Variants in METTL21A observed in about 807,000 individuals in gnomAD.
The protein encoded by METTL21A is methyltransferase 21A, HSPA lysine, also known as protein N-lysine methyltransferase METTL21A.
In METTL21A, 22 loss-of-function variants were observed where a neutral mutation model predicts 20.9. The observed-to-expected ratio is 1.05, with a 90% CI of 0.75 to 1.50. The LOEUF is 1.50. Ranked by LOEUF, METTL21A falls within the 40% of genes most tolerant of loss-of-function variation. The probability of loss-of-function intolerance (pLI) is 0.00; values close to 1 mark genes in which losing one functional copy is unlikely to be tolerated. For missense variants in METTL21A, 271 were observed against 266.8 expected, an observed-to-expected ratio of 1.02 and a Z score of -0.11; for synonymous variants, 93 against 102.0, an observed-to-expected ratio of 0.91 and a Z score of 0.53.
intron 3 of METTL21A, among the ~76,000 whole-genome samples, chr2:207,586,609 G>C (rs1313643822): frequency 6.6e-6 from 1 of 152,162 alleles, no homozygotes; most frequent in Non-Finnish European, 1.5e-5. Flanking sequence ...AGGAAACAGA[G>C]TGAAGAGACA....
At chr2:207,595,177 A>G (rs1255436908) in intron 3 of METTL21A, among the ~76,000 whole-genome samples, 2 of 150,764 alleles carry the variant, frequency 1.3e-5, no homozygotes, top group Non-Finnish European at 1.5e-5. Flanking sequence ...TGTATTTTTA[A>G]TAGAGATGGA....
At chr2:207,588,979 C>T (rs1489540068) in intron 3 of METTL21A, among the ~76,000 whole-genome samples, 2 of 151,738 alleles carry the variant, frequency 1.3e-5, no homozygotes, top group East Asian at 3.9e-4. Context: ...AATCTGCATG[C>T]CTTTTAATTT....
intron 3 of METTL21A, chr2:207,600,238 CATATATATAT>C (rs71036937): frequency 3.4e-5 from 5 of 145,690 alleles, no homozygotes; most frequent in East Asian, 1.6e-4. Flanking sequence ...TATATGTGTA[CATATATATAT>C]ATATATATAT....
chr2:207,588,537 G>A (rs184368554), intron 3 of METTL21A, among the ~76,000 whole-genome samples: 116 of 152,140 alleles, frequency 7.6e-4, no homozygotes, highest in African/African-American at 2.2e-3. Context: ...TTTATAATCC[G>A]CTTGTTGATG....
At chr2:207,619,531 C>A (rs1312866304) in intron 3 of METTL21A, among the ~76,000 whole-genome samples, 2 of 152,008 alleles carry the variant, frequency 1.3e-5, no homozygotes, top group East Asian at 3.8e-4. Flanking sequence ...CATACAGTAG[C>A]AGAGAAATGC....
intron 3 of METTL21A, among the ~76,000 whole-genome samples, chr2:207,587,064 G>C (rs973715110): frequency 2.6e-5 from 4 of 152,170 alleles, no homozygotes; most frequent in Admixed American, 6.5e-5. Context: ...GTACATTAAT[G>C]CAGCCATTAC....
At chr2:207,581,780 GT>G (rs1372690134) in exon 4 of METTL21A, 3 of 684,536 alleles carry the variant, frequency 4.4e-6, no homozygotes, top group Non-Finnish European at 7.9e-6. Context: ...TATTTCCCCA[GT>G]TTTTTTACTT....
At chr2:207,621,595 G>GAGAGAGAGAGACAGAAATT (rs1491276269) in intron 3 of METTL21A, among the ~76,000 whole-genome samples, 2 of 152,252 alleles carry the variant, frequency 1.3e-5, no homozygotes, top group South Asian at 2.1e-4. Context: ...GTGTGTGTGT[G>GAGAGAGAGAGACAGAAATT]AGAGAGAGAG....
At chr2:207,615,659 G>GCACTC (rs1242772795) in intron 3 of METTL21A, 3 of 146,286 alleles carry the variant, frequency 2.1e-5, no homozygotes, top group Non-Finnish European at 3.0e-5. Context: ...TCATACCACT[G>GCACTC]CACTCCAGCC....
chr2:207,583,122 T>TTG (rs1315881805), intron 3 of METTL21A, among the ~76,000 whole-genome samples: 1 of 152,064 alleles, frequency 6.6e-6, no homozygotes, highest in Non-Finnish European at 1.5e-5. Flanking sequence ...GTATTAAATA[T>TTG]TATAAGTAAT....
intron 3 of METTL21A, among the ~76,000 whole-genome samples, chr2:207,590,004 T>A (rs1329415167): frequency 1.3e-5 from 2 of 152,034 alleles, no homozygotes; most frequent in East Asian, 3.8e-4. Context: ...GATTATAATA[T>A]TTGTATTATT....
At chr2:207,591,040 T>C (rs767771350) in intron 3 of METTL21A, among the ~76,000 whole-genome samples, 3 of 152,198 alleles carry the variant, frequency 2.0e-5, no homozygotes, top group Non-Finnish European at 2.9e-5. Flanking sequence ...CCCAGGTGTT[T>C]TATGGCCCAA....
intron 3 of METTL21A, among the ~76,000 whole-genome samples, chr2:207,617,676 G>A (rs2107164383): frequency 6.6e-6 from 1 of 152,370 alleles, no homozygotes; most frequent in Non-Finnish European, 1.5e-5. Flanking sequence ...TTGCATTTCA[G>A]ATGGGCCACT....
At chr2:207,587,758 T>A (rs1243610065) in intron 3 of METTL21A, among the ~76,000 whole-genome samples, 1 of 152,010 alleles carries the variant, frequency 6.6e-6, no homozygotes, top group Non-Finnish European at 1.5e-5. Flanking sequence ...CTTATGGAAG[T>A]AGAGAGTAAA....
At chr2:207,595,711 T>G (rs535737740) in intron 3 of METTL21A, among the ~76,000 whole-genome samples, 23 of 152,186 alleles carry the variant, frequency 1.5e-4, no homozygotes, top group Non-Finnish European at 3.2e-4. Context: ...ACTACAGGCA[T>G]GTGCCACCAC....
intron 3 of METTL21A, among the ~76,000 whole-genome samples, chr2:207,592,928 T>C (rs2085359938): frequency 6.1e-5 from 1 of 16,476 alleles, no homozygotes; most frequent in Non-Finnish European, 1.2e-4. Flanking sequence ...GAAAAGAAAA[T>C]TCTCAGATAT....
At chr2:207,620,604 T>C in intron 3 of METTL21A, 1 of 1,426,710 alleles carries the variant, frequency 7.0e-7, no homozygotes, top group Non-Finnish European at 9.3e-7. Context: ...AAATTAAAAA[T>C]AATACCTAAC....
At chr2:207,600,238 C>CAT (rs71036937) in intron 3 of METTL21A, 47,139 of 145,178 alleles carry the variant, frequency 0.32, 8,395 homozygotes, top group East Asian at 0.45. Context: ...TATATGTGTA[C>CAT]ATATATATAT....
intron 3 of METTL21A, chr2:207,598,547 T>C (rs1196199743): frequency 9.0e-5 from 16 of 176,892 alleles, no homozygotes; most frequent in African/African-American, 3.3e-4. Flanking sequence ...TAATGTTAGG[T>C]TATAATTTCT....
Sources: allele counts gnomAD v4.1 joint callset (sites outside exome capture counted in the v4.1 genomes callset), GRCh38; gene constraint gnomAD v4.1.1; transcripts MANE v1.5; gene names NCBI Gene and HGNC (gene_info 2026-07-23, HGNC 2026-07-21).